Variants in FAT1 observed in about 807,000 individuals in gnomAD.
The protein encoded by FAT1 is protocadherin Fat 1.
In FAT1, 171 loss-of-function variants were observed where a neutral mutation model predicts 329.8. The observed-to-expected ratio is 0.52, with a 90% CI of 0.46 to 0.59. FAT1 has a LOEUF of 0.59. FAT1 is among the 20% of genes least tolerant of loss of function. The pLI, the probability that FAT1 is intolerant of heterozygous loss-of-function variation, is 0.00. For missense variants in FAT1, 5,672 were observed against 5,774.4 expected (o/e 0.98, Z 0.57); for synonymous variants, 2,233 against 2,228.6 (o/e 1.00, Z -0.06).
At chr4:186,635,965 G>A (rs948880861) in intron 6 of FAT1, 60 bp downstream of exon 6, 20 of 1,438,130 alleles carry the variant, frequency 1.4e-5, no homozygotes, top group African/African-American at 1.3e-4. Flanking sequence ...TCATCAAACC[G>A]TATGCAGGTT....
chr4:186,590,139 AT>A (rs1560912365), intron 26 of FAT1, among the ~76,000 whole-genome samples: 1 of 142,476 alleles, frequency 7.0e-6, no homozygotes, highest in African/African-American at 2.5e-5. Flanking sequence ...AAAACTTCCA[AT>A]TTTGGAATAG....
Position 186,718,847 on chromosome 4 carries a change from G to T in FAT1, c.-19+4817C>A, listed in dbSNP as rs118145904. On this transcript the variant is annotated intron_variant, in intron 1 of 26. Transcript: ENST00000441802. The stretch of plus-strand genomic sequence containing the variant: ...CCAAACGCTGCTCCACAGAGATCCT[G>T]CAGGTCCACCCTGGCAGAACAGCCG... Among the ~76,000 whole-genome samples the T allele has an allele frequency of 9.2e-3, 1,392 of 152,010 alleles. 56 individuals carry two copies. Among genetic ancestry groups the T allele is most frequent in the East Asian group, 0.072 (368 of 5,140 alleles).
intron 4 of FAT1, among the ~76,000 whole-genome samples, chr4:186,637,715 C>T (rs1324949648): frequency 6.6e-6 from 1 of 152,072 alleles, no homozygotes. Context: ...TTAAATATAA[C>T]GACATTAGTA....
chr4:186,617,874 C>T lies in FAT1; in HGVS notation c.8712G>A (p.Val2904=), dbSNP rs2126488850. ...CGTTGACATCGGTGACGGTAACATCCACAATGGCTGTGGAGGATAGCTGGA... is the reference window on the plus strand; with the variant it reads ...CGTTGACATCGGTGACGGTAACATCTACAATGGCTGTGGAGGATAGCTGGA... ...EKIQLSSTAI[V]DVTVTDVNDS... Residue 2904 remains valine (V), a synonymous_variant, in exon 10 of 27, where the codon GTG becomes GTA. Coordinates refer to ENST00000441802, the MANE Select transcript of FAT1 (RefSeq NM_005245.4). The T allele has an allele frequency of 6.2e-7, 1 of 1,613,994 alleles. No individual in the cohort carries two copies. Among genetic ancestry groups the T allele is most frequent in the Non-Finnish European group, 8.5e-7 (1 of 1,179,894 alleles).
Position 186,588,569 on chromosome 4 carries a change from G to T in FAT1, c.*23C>A, listed in dbSNP as rs1193011268. On this transcript the variant is annotated 3_prime_UTR_variant, in exon 27 of 27. Transcript: ENST00000441802. ...ATCACCTCTAGGTTCACTAAAGTCA[G>T]GCACTTTGGGGGGAGTTGAGAGTCA... The T allele has an allele frequency of 6.3e-7, 1 of 1,593,654 alleles. No individual in the cohort carries two copies. Among genetic ancestry groups the T allele is most frequent in the African/African-American group, 1.3e-5 (1 of 74,344 alleles).
Position 186,620,628 on chromosome 4 carries a change from C to A in FAT1, c.5958G>T (p.Ala1986=), listed in dbSNP as rs370045952. Residue 1986 remains alanine (A), a synonymous_variant, in exon 10 of 27, where the codon GCG becomes GCT. Transcript: ENST00000441802. The part of the protein sequence containing the change: ...HLKFTQDVYS[A]VVKENSTEAE... ...CCTCGGTGGAATTCTCTTTCACTAC[C>A]GCAGAGTAGACATCCTGGGTAAACT... 9.3e-6 allele frequency: 15 copies of A among 1,613,826 alleles called. No individual in the cohort carries two copies. The highest frequency in any genetic ancestry group is 1.1e-5 in the Non-Finnish European group (13 of 1,179,882).
intron 13 of FAT1, among the ~76,000 whole-genome samples, chr4:186,612,113 C>CT (rs1343261553): frequency 0.014 from 1,757 of 124,280 alleles, 22 homozygotes; most frequent in African/African-American, 0.039. Flanking sequence ...CCGGCCAACG[C>CT]TTTTTTTTTT....
At chr4:186,700,249 C>G (rs1355429692) in intron 2 of FAT1, among the ~76,000 whole-genome samples, 1 of 152,210 alleles carries the variant, frequency 6.6e-6, no homozygotes, top group Non-Finnish European at 1.5e-5. Context: ...GAAAAGCCTT[C>G]CAACAATTAA....
chr4:186,609,050 T>C (rs1398273986), intron 16 of FAT1, 133 bp downstream of exon 16: 1 of 824,056 alleles, frequency 1.2e-6, no homozygotes, highest in South Asian at 1.9e-5. Flanking sequence ...GCTTTTCGAG[T>C]GTTTACATGT....
chr4:186,647,808 C>T (rs554294392), intron 3 of FAT1, among the ~76,000 whole-genome samples: 5 of 152,154 alleles, frequency 3.3e-5, no homozygotes, highest in Non-Finnish European at 5.9e-5. Context: ...GTTTTAGGGT[C>T]TTCAGTGTAA....
chr4:186,679,374 A>G (rs567227751), intron 2 of FAT1, among the ~76,000 whole-genome samples: 74 of 138,106 alleles, frequency 5.4e-4, no homozygotes, highest in South Asian at 1.7e-3. Context: ...CTGAGATCGC[A>G]CCACTGCACT....
chr4:186,595,897 A>T, intron 25 of FAT1, 71 bp from the exon 26 acceptor site: 1 of 1,530,702 alleles, frequency 6.5e-7, no homozygotes, highest in Admixed American at 1.7e-5. Context: ...ATCCTGAGAC[A>T]CACCATGCAT....
At chr4:186,675,684 G>A (rs1211320721) in intron 2 of FAT1, among the ~76,000 whole-genome samples, 2 of 151,904 alleles carry the variant, frequency 1.3e-5, no homozygotes, top group African/African-American at 4.8e-5. Flanking sequence ...AGAGGCTGCA[G>A]TGAACCATGA....
intron 2 of FAT1, among the ~76,000 whole-genome samples, chr4:186,691,047 A>T (rs1310304552): frequency 6.6e-6 from 1 of 152,226 alleles, no homozygotes; most frequent in African/African-American, 2.4e-5. Context: ...TTGACCTGTT[A>T]TACTAATTCA....
chr4:186,599,300 A>C (rs1363365178), intron 22 of FAT1, among the ~76,000 whole-genome samples: 1 of 152,222 alleles, frequency 6.6e-6, no homozygotes, highest in Non-Finnish European at 1.5e-5. Flanking sequence ...TCTGTTCATT[A>C]TACCAAGCTC....
intron 3 of FAT1, among the ~76,000 whole-genome samples, chr4:186,657,510 G>A (rs951385335): frequency 5.3e-5 from 8 of 152,186 alleles, no homozygotes; most frequent in Non-Finnish European, 7.3e-5. Context: ...GGGGAATACA[G>A]AGAAGTGTGA....
chr4:186,690,094 G>A (rs957605944), intron 2 of FAT1, among the ~76,000 whole-genome samples: 14 of 152,154 alleles, frequency 9.2e-5, no homozygotes, highest in Admixed American at 6.5e-4. Flanking sequence ...ACTGCATTGC[G>A]TTACAGAAAA....
chr4:186,644,247 G>T (rs1741248060), intron 3 of FAT1, among the ~76,000 whole-genome samples: 1 of 152,134 alleles, frequency 6.6e-6, no homozygotes, highest in Admixed American at 6.5e-5. Flanking sequence ...AAAAAACCAG[G>T]AATGACTCAT....
rs1376562731 is a variant in FAT1 at position 186,611,783 on chromosome 4, G to A, written c.9464-8C>T. ...AAATCTTCCGATTTAATCCTATGAA[G>A]ACATAAAAACATGTCAAAAGATTTT... On this transcript the variant is annotated splice_polypyrimidine_tract_variant and splice_region_variant and intron_variant, in intron 13 of 26. Coordinates refer to ENST00000441802, the MANE Select transcript of FAT1 (RefSeq NM_005245.4). 12 of 1,529,630 alleles carry A rather than the reference G, an allele frequency of 7.8e-6. No homozygotes were observed. Among genetic ancestry groups the A allele is most frequent in the Non-Finnish European group, 9.7e-6 (11 of 1,138,414 alleles). The allele number at this position is 1,529,630 out of a possible 1,614,324, so 94.8% of individuals were successfully genotyped here.
Sources: gnomAD v4.1 joint callset for allele counts (sites outside exome capture counted in the v4.1 genomes callset) on GRCh38, gnomAD v4.1.1 for gene constraint, MANE v1.5 for transcripts, NCBI Gene and HGNC (gene_info 2026-07-23, HGNC 2026-07-21) for gene names.